Variants in KCNQ5 observed in about 807,000 individuals in gnomAD.
KCNQ5 encodes potassium voltage-gated channel subfamily KQT member 5.
KCNQ5 carries 30 observed loss-of-function variants against 98.2 expected under a neutral mutation model. The observed-to-expected ratio is 0.31, with a 90% CI of 0.23 to 0.41. The LOEUF is 0.41. Ranked by LOEUF, KCNQ5 falls within the 10% of genes least tolerant of loss-of-function variation. The pLI is 1.00. For synonymous variants in KCNQ5, 458 were observed against 449.4 expected (o/e 1.02, Z -0.24); for missense variants, 835 against 1,182.5 (o/e 0.71, Z 4.31).
At chr6:72,689,782 CG>C (rs1768122344) in intron 1 of KCNQ5, among the ~76,000 whole-genome samples, 1 of 123,486 alleles carries the variant, frequency 8.1e-6, no homozygotes, top group Non-Finnish European at 1.6e-5. Flanking sequence ...TGAAAACAAG[CG>C]TTTTTTTTTT....
At chr6:72,697,795 G>T (rs1009807500) in intron 1 of KCNQ5, among the ~76,000 whole-genome samples, 1 of 152,118 alleles carries the variant, frequency 6.6e-6, no homozygotes, top group African/African-American at 2.4e-5. Flanking sequence ...ATTGGTAAAT[G>T]GATATGTTAA....
rs563668128 is a variant in KCNQ5, at chr6:72,778,466, G to C, written c.398+155879G>C. On this transcript the variant is annotated intron_variant, in intron 1 of 13. Coordinates refer to ENST00000370398, the MANE Select transcript of KCNQ5 (RefSeq NM_019842.4). The stretch of plus-strand genomic sequence containing the variant: ...GGTGGTGGGGGTCGCTTGACCCCCA[G>C]AGGAGGGGACTGCAATGAGCAGAGA... 2.6e-5 allele frequency among the ~76,000 whole-genome samples: 4 copies of C among 151,802 alleles called. No individual in the cohort carries two copies. The South Asian group carries it at 8.3e-4, about 32-fold the overall frequency.
chr6:72,860,277 G>A (rs1291075800), intron 1 of KCNQ5, among the ~76,000 whole-genome samples: 2 of 152,038 alleles, frequency 1.3e-5, no homozygotes, highest in South Asian at 2.1e-4. Flanking sequence ...GTAGCAGACC[G>A]TAAAAAATAC....
intron 1 of KCNQ5, among the ~76,000 whole-genome samples, chr6:72,771,455 T>G (rs529950524): frequency 3.0e-4 from 45 of 152,130 alleles, no homozygotes; most frequent in Admixed American, 1.5e-3. Flanking sequence ...CAACACTTGT[T>G]ATTTCTTGTC....
In KCNQ5 at chr6:72,683,403, T is replaced by C. The variant is rs530841411; in HGVS notation, c.398+60816T>C. On this transcript the variant is annotated intron_variant, in intron 1 of 13. Transcript: ENST00000370398. The stretch of plus-strand genomic sequence containing the variant: ...TTTTTTTTGAGACAGAGTCTCGCTC[T>C]GTCGCCCAGGCTGGAGTGCAGTGGC... 1.3e-3 allele frequency among the ~76,000 whole-genome samples: 199 copies of C among 147,660 alleles called. 1 individual carries two copies. The highest frequency in any genetic ancestry group is 0.012 in the Admixed American group (170 of 14,354).
intron 5 of KCNQ5, among the ~76,000 whole-genome samples, chr6:73,101,675 T>A (rs1306714351): frequency 6.6e-6 from 1 of 151,040 alleles, no homozygotes; most frequent in African/African-American, 2.4e-5. Flanking sequence ...TAAAATTAAA[T>A]ACCTAGGAAT....
chr6:72,714,551 C>T (rs1328367793), intron 1 of KCNQ5, among the ~76,000 whole-genome samples: 2 of 152,058 alleles, frequency 1.3e-5, no homozygotes, highest in African/African-American at 4.8e-5. Context: ...GGAACAGTTG[C>T]TTATATAATT....
At chr6:72,860,113 G>C (rs2150151943) in intron 1 of KCNQ5, among the ~76,000 whole-genome samples, 1 of 152,280 alleles carries the variant, frequency 6.6e-6, no homozygotes, top group East Asian at 1.9e-4. Flanking sequence ...ATGAGAGACA[G>C]GTCCAATGAA....
chr6:72,712,007 GTA>G (rs1769394025), intron 1 of KCNQ5, among the ~76,000 whole-genome samples: 2 of 152,286 alleles, frequency 1.3e-5, no homozygotes, highest in Admixed American at 1.3e-4. Flanking sequence ...AAGCATATGT[GTA>G]GTAATCAAAA....
intron 1 of KCNQ5, among the ~76,000 whole-genome samples, chr6:72,684,525 C>A (rs879521680): frequency 6.6e-6 from 1 of 152,160 alleles, no homozygotes; most frequent in African/African-American, 2.4e-5. Flanking sequence ...TAGTATCAGG[C>A]CTTGATATTG....
intron 1 of KCNQ5, among the ~76,000 whole-genome samples, chr6:72,883,696 A>C (rs1206514304): frequency 6.6e-6 from 1 of 152,160 alleles, no homozygotes; most frequent in Non-Finnish European, 1.5e-5. Flanking sequence ...AAAAGTTCCC[A>C]TTGCTACCTG....
At chr6:73,173,439 G>T (rs549393305) in intron 11 of KCNQ5, among the ~76,000 whole-genome samples, 1 of 152,136 alleles carries the variant, frequency 6.6e-6, no homozygotes, top group Non-Finnish European at 1.5e-5. Context: ...TACCTATTTC[G>T]TAGTAGATCA....
chr6:72,849,143 CAT>C (rs1265301156), intron 1 of KCNQ5, among the ~76,000 whole-genome samples: 48 of 149,716 alleles, frequency 3.2e-4, no homozygotes, highest in African/African-American at 6.6e-4. Context: ...CACACACACA[CAT>C]ATGCACACGC....
chr6:73,070,432 G>A (rs892120528), intron 3 of KCNQ5, among the ~76,000 whole-genome samples: 28 of 152,004 alleles, frequency 1.8e-4, no homozygotes, highest in African/African-American at 6.5e-4. Flanking sequence ...ACTAATGATT[G>A]TATAAGTTAG....
At chr6:72,972,807 A>G (rs542246378) in intron 1 of KCNQ5, among the ~76,000 whole-genome samples, 37 of 152,164 alleles carry the variant, frequency 2.4e-4, no homozygotes, top group Non-Finnish European at 4.9e-4. Flanking sequence ...GGGCACTATA[A>G]TCTTCTCATA....
chr6:72,986,782 C>G (rs183873446), intron 1 of KCNQ5: 1 of 1,464,704 alleles, frequency 6.8e-7, no homozygotes, highest in Non-Finnish European at 9.6e-7. Context: ...AAGAGGAAAC[C>G]AGAGTTGGCA....
intron 11 of KCNQ5, among the ~76,000 whole-genome samples, chr6:73,187,351 G>T (rs1483804699): frequency 6.6e-6 from 1 of 152,150 alleles, no homozygotes; most frequent in Non-Finnish European, 1.5e-5. Context: ...GAGCCACCAC[G>T]CCCGGCCTAA....
intron 10 of KCNQ5, among the ~76,000 whole-genome samples, chr6:73,163,624 C>T (rs1355149324): frequency 6.6e-6 from 1 of 152,078 alleles, no homozygotes; most frequent in African/African-American, 2.4e-5. Flanking sequence ...GGCAGGCACC[C>T]GTAATCCCAG....
chr6:72,948,605 T>G (rs1028826491), intron 1 of KCNQ5, among the ~76,000 whole-genome samples: 1 of 152,154 alleles, frequency 6.6e-6, no homozygotes, highest in Admixed American at 6.6e-5. Flanking sequence ...TACTTAAACC[T>G]ATACCCAAGT....
Sources: gnomAD v4.1 joint callset for allele counts (sites outside exome capture counted in the v4.1 genomes callset) on GRCh38, gnomAD v4.1.1 for gene constraint, MANE v1.5 for transcripts, NCBI Gene and HGNC (gene_info 2026-07-23, HGNC 2026-07-21) for gene names.